DRG1: variants seen among roughly 807,000 people sequenced by gnomAD.
DRG1 encodes developmentally-regulated GTP-binding protein 1.
A neutral mutation model predicts 38.8 loss-of-function variants in DRG1; 19 were observed. The observed-to-expected ratio is 0.49, with a 90% CI of 0.34 to 0.72. DRG1 has a LOEUF of 0.72. Ranked by LOEUF, DRG1 falls within the 30% of genes least tolerant of loss-of-function variation. The pLI, the probability that DRG1 is intolerant of heterozygous loss-of-function variation, is 0.01. For synonymous variants in DRG1, 167 were observed against 157.5 expected, an observed-to-expected ratio of 1.06 and a Z score of -0.45; for missense variants, 299 against 444.8, an observed-to-expected ratio of 0.67 and a Z score of 2.95.
intron 1 of DRG1, among the ~76,000 whole-genome samples, chr22:31,400,011 C>T (rs1158772259): frequency 6.6e-6 from 1 of 152,178 alleles, no homozygotes; most frequent in East Asian, 1.9e-4. Context: ...TTCCCCCTCC[C>T]AGTGTTTGGC....
chr22:31,424,609 C>T (rs774074844), intron 6 of DRG1, among the ~76,000 whole-genome samples: 85 of 143,520 alleles, frequency 5.9e-4, no homozygotes, highest in South Asian at 3.3e-3. Context: ...AGTGATTCTT[C>T]GGCCTCAGCC....
At chr22:31,402,462 C>G (rs1000649259) in intron 2 of DRG1, among the ~76,000 whole-genome samples, 3 of 149,582 alleles carry the variant, frequency 2.0e-5, no homozygotes, top group African/African-American at 7.4e-5. Context: ...TAGCTAACAA[C>G]TCTATTTTTG....
chr22:31,427,336 G>A (rs751625698), intron 8 of DRG1, among the ~76,000 whole-genome samples, 154 bp downstream of exon 8: 3 of 152,132 alleles, frequency 2.0e-5, no homozygotes, highest in South Asian at 2.1e-4. Flanking sequence ...TCTTAAAACC[G>A]TGCCTAATTA....
intron 4 of DRG1, among the ~76,000 whole-genome samples, chr22:31,414,183 T>C (rs1246187182): frequency 6.6e-6 from 1 of 152,180 alleles, no homozygotes; most frequent in Non-Finnish European, 1.5e-5. Flanking sequence ...CTATGCCAAA[T>C]GAGAGTTATT....
intron 1 of DRG1, among the ~76,000 whole-genome samples, chr22:31,400,370 C>G (rs1435988379): frequency 6.6e-6 from 1 of 151,884 alleles, no homozygotes; most frequent in Non-Finnish European, 1.5e-5. Flanking sequence ...AAAAGGAACC[C>G]GCAGACGGGT....
chr22:31,430,103 T>C (rs1414949714), intron 8 of DRG1, among the ~76,000 whole-genome samples: 15 of 152,160 alleles, frequency 9.9e-5, no homozygotes. Flanking sequence ...CCAAATGACA[T>C]TGATTTTGCC....
intron 8 of DRG1, among the ~76,000 whole-genome samples, chr22:31,430,833 C>G (rs1201218186): frequency 6.6e-6 from 1 of 152,030 alleles, no homozygotes; most frequent in Non-Finnish European, 1.5e-5. Context: ...ATCCTCCTAC[C>G]TCAGTTTCTG....
intron 5 of DRG1, 101 bp from the exon 6 acceptor site, chr22:31,423,179 T>C (rs2145868384): frequency 6.9e-7 from 1 of 1,443,064 alleles, no homozygotes; most frequent in Non-Finnish European, 9.5e-7. Flanking sequence ...GTAATGAGTT[T>C]GCATCTTAGC....
intron 1 of DRG1, 117 bp from the exon 2 acceptor site, chr22:31,400,503 A>T: frequency 7.4e-7 from 1 of 1,343,962 alleles, no homozygotes; most frequent in Non-Finnish European, 1.0e-6. Context: ...TTACTCTTTT[A>T]AAGCCTGTAA....
Position 31,413,175 on chromosome 22 carries a change from C to T in DRG1, c.412+2094C>T, listed in dbSNP as rs117702891. ...AGCGGCCTGATTGTACGTAGCTCACCGTAACCATGAACTCATAGGCTCAAG... is the reference window on the plus strand; with the variant it reads ...AGCGGCCTGATTGTACGTAGCTCACTGTAACCATGAACTCATAGGCTCAAG... On this transcript the variant is annotated intron_variant, in intron 4 of 8. Transcript: ENST00000331457. 1.9e-3 allele frequency among the ~76,000 whole-genome samples: 284 copies of T among 151,886 alleles called. 4 individuals carry two copies. Among genetic ancestry groups the T allele is most frequent in the Admixed American group, 0.014 (220 of 15,222 alleles).
At position 31,427,129 on chromosome 22, in the gene DRG1, A is replaced by C. The variant is rs1185110033; in HGVS notation, c.951A>C (p.Thr317=). The C allele has an allele frequency of 6.2e-7, 1 of 1,614,190 alleles. No homozygotes were observed. Among genetic ancestry groups the C allele is most frequent in the South Asian group, 1.1e-5 (1 of 91,088 alleles). The change falls in exon 8 of 9, where the codon ACA becomes ACC. Residue 317 remains threonine, a synonymous_variant. Transcript: ENST00000331457. ...TGGTGCTTCCTTACTCCAGGACCAC[A>C]GTGGAGGATTTCTGCATGAAGATTC... is the stretch of plus-strand genomic sequence containing the variant. ...SPVVLPYSRT[T]VEDFCMKIHK... is the part of the protein sequence containing the mutation.
intron 2 of DRG1, among the ~76,000 whole-genome samples, chr22:31,402,022 G>T (rs2049964161): frequency 6.6e-6 from 1 of 151,872 alleles, no homozygotes; most frequent in Admixed American, 6.6e-5. Flanking sequence ...CTGTACCCCA[G>T]CCTGGGTGAC....
Position 31,433,992 on chromosome 22 carries a change from T to C in DRG1, c.*21T>C. On this transcript the variant is annotated 3_prime_UTR_variant, in exon 9 of 9. Transcript: ENST00000331457. ...AGTGAAACCTTTCCCTTTTCCCATC[T>C]GCCGGACGAACCACAACAGCGTTCC... 3 of 1,609,380 alleles carry C rather than the reference T, an allele frequency of 1.9e-6. No homozygotes were observed. Among genetic ancestry groups the C allele is most frequent in the Non-Finnish European group, 2.6e-6 (3 of 1,176,268 alleles).
chr22:31,423,260 C>T lies in DRG1; in HGVS notation c.583-20C>T. 1 of 1,612,654 alleles carries T rather than the reference C, an allele frequency of 6.2e-7. No individual in the cohort carries two copies. The highest frequency in any genetic ancestry group is 8.5e-7 in the Non-Finnish European group (1 of 1,179,638). Reference sequence around the variant, plus strand: ...TTTTTTAAATTTTGTGCTGACTAGTCATCTGCTATTCCCTTTCAGTGCCCC... The same window carrying T: ...TTTTTTAAATTTTGTGCTGACTAGTTATCTGCTATTCCCTTTCAGTGCCCC... On this transcript the variant is annotated intron_variant, in intron 5 of 8. Coordinates refer to ENST00000331457, the MANE Select transcript of DRG1 (RefSeq NM_004147.4).
At chr22:31,405,769 A>G (rs775802526) in intron 3 of DRG1, among the ~76,000 whole-genome samples, 9 of 151,776 alleles carry the variant, frequency 5.9e-5, no homozygotes, top group Non-Finnish European at 1.0e-4. Flanking sequence ...GCTCACTACA[A>G]TCTCCGCCTC....
intron 8 of DRG1, among the ~76,000 whole-genome samples, chr22:31,431,801 C>G (rs965176163): frequency 1.3e-5 from 2 of 152,302 alleles, no homozygotes; most frequent in Admixed American, 6.5e-5. Flanking sequence ...ATTTCCACCA[C>G]AGTCAAAACA....
intron 3 of DRG1, among the ~76,000 whole-genome samples, chr22:31,403,923 A>G (rs1297734241): frequency 1.3e-5 from 2 of 149,556 alleles, no homozygotes; most frequent in Admixed American, 6.6e-5. Context: ...GCTTGATTCT[A>G]GCTGGTTTCA....
At chr22:31,414,854 A>T (rs2050035840) in intron 4 of DRG1, among the ~76,000 whole-genome samples, 1 of 150,258 alleles carries the variant, frequency 6.7e-6, no homozygotes, top group South Asian at 2.1e-4. Context: ...ATCACAGCTC[A>T]CTGCAGCCTC....
At chr22:31,419,404 G>C (rs2050063422) in intron 4 of DRG1, among the ~76,000 whole-genome samples, 1 of 150,556 alleles carries the variant, frequency 6.6e-6, no homozygotes, top group African/African-American at 2.4e-5. Flanking sequence ...TGCACAGGCT[G>C]GTCTCAAACT....
Sources: gnomAD v4.1 joint callset for allele counts (sites outside exome capture counted in the v4.1 genomes callset) on GRCh38, gnomAD v4.1.1 for gene constraint, MANE v1.5 for transcripts, NCBI Gene and HGNC (gene_info 2026-07-23, HGNC 2026-07-21) for gene names.